KCNH8: variants seen among roughly 807,000 people sequenced by gnomAD.
KCNH8 encodes potassium voltage-gated channel subfamily H member 8.
Under a neutral mutation model 103.6 loss-of-function variants are expected in KCNH8, and 70 were observed. The ratio of observed to expected loss-of-function variants is 0.68; its 90% CI spans 0.56 to 0.82. The LOEUF (loss-of-function observed/expected upper bound fraction) is 0.82. KCNH8 is among the 40% of genes least tolerant of loss of function. KCNH8 has a pLI of 0.00. For synonymous variants in KCNH8, 498 were observed against 489.4 expected, an observed-to-expected ratio of 1.02 and a Z score of -0.23; for missense variants, 1,217 against 1,329.9, an observed-to-expected ratio of 0.92 and a Z score of 1.32.
At chr3:19,449,530 C>T (rs2067412475) in intron 8 of KCNH8, among the ~76,000 whole-genome samples, 1 of 151,798 alleles carries the variant, frequency 6.6e-6, no homozygotes, top group African/African-American at 2.4e-5. Context: ...TCCATATCTG[C>T]ATTAATATAA....
intron 7 of KCNH8, 124 bp from the exon 8 acceptor site, chr3:19,438,040 T>C: frequency 1.3e-6 from 1 of 764,478 alleles, no homozygotes. Context: ...TAATTTCCTT[T>C]TTACCTTCTT....
At chr3:19,468,867 T>C (rs2067797455) in intron 11 of KCNH8, among the ~76,000 whole-genome samples, 1 of 152,196 alleles carries the variant, frequency 6.6e-6, no homozygotes, top group South Asian at 2.1e-4. Flanking sequence ...TTTGCAAACA[T>C]CTCTTGATGC....
intron 2 of KCNH8, among the ~76,000 whole-genome samples, chr3:19,272,530 C>G (rs972643792): frequency 6.6e-6 from 1 of 152,042 alleles, no homozygotes; most frequent in Non-Finnish European, 1.5e-5. Flanking sequence ...AAATGAGGAA[C>G]TGCTTAGAAC....
At chr3:19,418,973 C>G (rs138749778) in intron 7 of KCNH8, among the ~76,000 whole-genome samples, 175 of 152,044 alleles carry the variant, frequency 1.2e-3, no homozygotes, top group Non-Finnish European at 1.9e-3. Flanking sequence ...GAATTTCCAC[C>G]GGAATACATT....
At chr3:19,471,090 G>T (rs888063009) in intron 11 of KCNH8, among the ~76,000 whole-genome samples, 1 of 152,166 alleles carries the variant, frequency 6.6e-6, no homozygotes, top group South Asian at 2.1e-4. Context: ...TGGGGAAGGG[G>T]AGTTTAGTTG....
At chr3:19,493,163 A>G (rs1422981416) in intron 11 of KCNH8, among the ~76,000 whole-genome samples, 1 of 152,164 alleles carries the variant, frequency 6.6e-6, no homozygotes, top group Non-Finnish European at 1.5e-5. Context: ...CAATAATATC[A>G]CAAAGAGAGA....
chr3:19,190,383 A>C (rs1474239359), intron 1 of KCNH8, among the ~76,000 whole-genome samples: 1 of 151,944 alleles, frequency 6.6e-6, no homozygotes, highest in East Asian at 1.9e-4. Flanking sequence ...ATGTAGTTCT[A>C]TTCTTGGCTA....
chr3:19,422,875 T>C (rs568733029), intron 7 of KCNH8, among the ~76,000 whole-genome samples: 6 of 152,122 alleles, frequency 3.9e-5, no homozygotes, highest in African/African-American at 1.2e-4. Flanking sequence ...GGCCAAGAGA[T>C]TGATCAGTTT....
intron 1 of KCNH8, among the ~76,000 whole-genome samples, chr3:19,186,776 A>G (rs1468448410): frequency 6.6e-6 from 1 of 152,048 alleles, no homozygotes; most frequent in Admixed American, 6.6e-5. Flanking sequence ...ATCACTGTAC[A>G]AAAGGAGATA....
chr3:19,359,776 G>A (rs1392664681), intron 5 of KCNH8, among the ~76,000 whole-genome samples: 1 of 151,908 alleles, frequency 6.6e-6, no homozygotes, highest in Non-Finnish European at 1.5e-5. Context: ...GTATGCTAAC[G>A]TTTATATACA....
intron 1 of KCNH8, among the ~76,000 whole-genome samples, chr3:19,174,111 GAAGT>G (rs891874113): frequency 3.3e-5 from 5 of 151,666 alleles, no homozygotes; most frequent in African/African-American, 9.7e-5. Context: ...CTGATAAAAA[GAAGT>G]AAGAAAAAGA....
chr3:19,342,686 G>A lies in KCNH8; in HGVS notation c.542G>A (p.Arg181Lys). ...LYHISGHLQR[R>K]EKNKLKINNN... ...CACATCTCTGGGCACCTGCAAAGAA[G>A]AGAAAAGAACAAATTGAAAATAAAT... The change falls in exon 4 of 16, where the codon AGA (arginine) becomes AAA (lysine). Residue 181 changes from arginine to lysine, a missense_variant. Physicochemically the swap from Arg to Lys is conservative, Grantham distance 26. This residue lies in a region of KCNH8 where 244 missense variants were observed against 256.8 expected (regional missense o/e 0.95). Coordinates refer to ENST00000328405, the MANE Select transcript of KCNH8 (RefSeq NM_144633.3). The A allele has an allele frequency of 6.2e-7, 1 of 1,609,970 alleles. No homozygotes were observed. The highest frequency in any genetic ancestry group is 1.1e-5 in the South Asian group (1 of 90,994).
At chr3:19,260,246 A>C (rs1441307740) in intron 2 of KCNH8, among the ~76,000 whole-genome samples, 3 of 151,458 alleles carry the variant, frequency 2.0e-5, no homozygotes, top group Non-Finnish European at 4.4e-5. Flanking sequence ...GTACCATTAG[A>C]ATTATTCATA....
At chr3:19,239,021 C>T (rs1264222917) in intron 1 of KCNH8, among the ~76,000 whole-genome samples, 6 of 152,148 alleles carry the variant, frequency 3.9e-5, no homozygotes, top group African/African-American at 1.2e-4. Context: ...TTGATTCTTA[C>T]ATCACGATTC....
intron 15 of KCNH8, among the ~76,000 whole-genome samples, chr3:19,530,050 C>T (rs1225903561): frequency 6.6e-6 from 1 of 152,094 alleles, no homozygotes; most frequent in African/African-American, 2.4e-5. Flanking sequence ...GCATGGTAAG[C>T]CAGGCACAGA....
At chr3:19,346,832 G>A in intron 4 of KCNH8, 1 of 365,428 alleles carries the variant, frequency 2.7e-6, no homozygotes, top group South Asian at 2.1e-5. Flanking sequence ...ATTAATTGAG[G>A]TCAAAGCCAG....
chr3:19,384,646 ATT>A (rs2066332874), intron 5 of KCNH8, among the ~76,000 whole-genome samples: 1 of 152,162 alleles, frequency 6.6e-6, no homozygotes. Context: ...AGGCAAAAAA[ATT>A]TTAAATTTTA....
At chr3:19,363,596 G>C (rs1157151672) in intron 5 of KCNH8, among the ~76,000 whole-genome samples, 2 of 152,094 alleles carry the variant, frequency 1.3e-5, no homozygotes, top group African/African-American at 4.8e-5. Flanking sequence ...TCTTTATTGT[G>C]CATAACCTAT....
intron 12 of KCNH8, among the ~76,000 whole-genome samples, chr3:19,511,802 A>G (rs922969838): frequency 6.6e-6 from 1 of 152,188 alleles, no homozygotes; most frequent in Admixed American, 6.5e-5. Context: ...CAAGAACTTC[A>G]TAAGTAAACT....
Sources: gnomAD v4.1 joint callset for allele counts (sites outside exome capture counted in the v4.1 genomes callset) on GRCh38, gnomAD v4.1.1 for gene constraint, gnomAD v4.1.1 regional missense constraint, MANE v1.5 for transcripts, NCBI Gene and HGNC (gene_info 2026-07-23, HGNC 2026-07-21) for gene names.